GLMN: variants seen among roughly 807,000 people sequenced by gnomAD.
GLMN encodes glomulin.
Under a neutral mutation model 87.8 loss-of-function variants are expected in GLMN, and 75 were observed. The observed-to-expected ratio is 0.85, with a 90% CI of 0.71 to 1.04. The LOEUF (loss-of-function observed/expected upper bound fraction) is 1.04. Among genes scored for constraint, GLMN ranks in the 50% least tolerant of loss-of-function variants. The pLI is 0.00. For missense variants in GLMN, 588 were observed against 658.8 expected (o/e 0.89, Z 1.18); for synonymous variants, 206 against 221.6 (o/e 0.93, Z 0.63).
the GLMN span, among the ~76,000 whole-genome samples, chr1:92,338,162 A>G: frequency 6.6e-6 from 1 of 152,138 alleles, no homozygotes; most frequent in Non-Finnish European, 1.5e-5. Flanking sequence ...CATTTTATCT[A>G]GGATGTTTAT....
the GLMN span, chr1:92,320,627 G>A: frequency 1.9e-6 from 3 of 1,609,384 alleles, no homozygotes; most frequent in Non-Finnish European, 2.6e-6. Flanking sequence ...GCTAAAGGAA[G>A]AACAAAGGTA....
the GLMN span, among the ~76,000 whole-genome samples, chr1:92,323,044 T>A: frequency 4.8e-5 from 7 of 145,344 alleles, no homozygotes; most frequent in Non-Finnish European, 9.1e-5. Context: ...TTATATATCT[T>A]TATATTTATA....
At chr1:92,311,116 T>C in the GLMN span, among the ~76,000 whole-genome samples, 1 of 152,246 alleles carries the variant, frequency 6.6e-6, no homozygotes, top group Non-Finnish European at 1.5e-5. Flanking sequence ...CTTAATTGAT[T>C]GGTCCTGATC....
At chr1:92,304,236 A>G in the GLMN span, 4 of 1,282,192 alleles carry the variant, frequency 3.1e-6, no homozygotes, top group Middle Eastern at 3.7e-4. Context: ...CATAACGTTC[A>G]TGTTTATTAT....
Position 92,269,378 on chromosome 1 carries a change from T to A in GLMN, c.977+345A>T, listed in dbSNP as rs185677148. ...CATGAAGGAAAAATACGGAAGAACT[T>A]CTTTTATTGACTGCCCTTCCTTAAG... is the stretch of plus-strand genomic sequence containing the variant. On this transcript the variant is annotated intron_variant, in intron 9 of 18. Coordinates refer to ENST00000370360, the MANE Select transcript of GLMN (RefSeq NM_053274.3). Among the ~76,000 whole-genome samples the A allele has an allele frequency of 2.6e-5, 4 of 152,246 alleles. No individual in the cohort carries two copies. In the East Asian group the frequency reaches 7.7e-4, roughly 29 times the overall value.
At chr1:92,312,885 G>A in the GLMN span, among the ~76,000 whole-genome samples, 36 of 151,180 alleles carry the variant, frequency 2.4e-4, no homozygotes, top group Non-Finnish European at 4.1e-4. Flanking sequence ...GCAGTGGCGC[G>A]ATCTTGGCTC....
At chr1:92,365,979 A>AT in the GLMN span, among the ~76,000 whole-genome samples, 1 of 152,298 alleles carries the variant, frequency 6.6e-6, no homozygotes, top group South Asian at 2.1e-4. Context: ...AGTCAGTCTC[A>AT]TAAAAAAAAA....
At chr1:92,272,435 C>T (rs1296265891) in intron 7 of GLMN, among the ~76,000 whole-genome samples, 1 of 152,086 alleles carries the variant, frequency 6.6e-6, no homozygotes, top group East Asian at 1.9e-4. Context: ...CAGAAGTATT[C>T]TAAATTAATT....
At chr1:92,281,878 G>C (rs1648104912) in intron 7 of GLMN, among the ~76,000 whole-genome samples, 1 of 151,428 alleles carries the variant, frequency 6.6e-6, no homozygotes, top group African/African-American at 2.4e-5. Context: ...AGACAAAGAA[G>C]GCCACTACAT....
chr1:92,247,027 GAAGAAAAAGGAAAGAA>G lies in GLMN; in HGVS notation c.1668+19_1668+34del, dbSNP rs1013984553. On this transcript the variant is annotated intron_variant, in intron 18 of 18. Coordinates refer to ENST00000370360, the MANE Select transcript of GLMN (RefSeq NM_053274.3). ...AAGATAGCAAGACCCCGTTTCTAAA[GAAGAAAAAGGAAAGAA>G]AAGAAAATTTCAGATCACCTTAAGC... 9.0e-7 allele frequency: 1 copy of G among 1,114,874 alleles called. No individual in the cohort carries two copies. The highest frequency in any genetic ancestry group is 1.7e-5 in the African/African-American group (1 of 58,190). 69.1% of individuals were successfully genotyped at this position (1,114,874 alleles called of 1,614,324 possible).
the GLMN span, among the ~76,000 whole-genome samples, chr1:92,366,768 T>C: frequency 6.6e-6 from 1 of 152,206 alleles, no homozygotes; most frequent in South Asian, 2.1e-4. Context: ...TTTTTTTCAG[T>C]ATCTGAGAGA....
At chr1:92,269,182 G>A (rs867043932) in intron 9 of GLMN, among the ~76,000 whole-genome samples, 10 of 149,936 alleles carry the variant, frequency 6.7e-5, no homozygotes, top group Non-Finnish European at 1.2e-4. Flanking sequence ...GATTATAGGC[G>A]TGAGCCACCG....
the GLMN span, among the ~76,000 whole-genome samples, chr1:92,334,078 T>G: frequency 1.3e-5 from 2 of 152,354 alleles, no homozygotes; most frequent in East Asian, 3.9e-4. Context: ...ATGAGGGCTG[T>G]GTTGAACTTT....
chr1:92,353,265 C>CAA, the GLMN span, among the ~76,000 whole-genome samples: 1 of 152,096 alleles, frequency 6.6e-6, no homozygotes, highest in Admixed American at 6.5e-5. Flanking sequence ...AAAGAACTGC[C>CAA]AAAGTGTTTT....
chr1:92,293,996 CAAA>C (rs755356697), intron 3 of GLMN, among the ~76,000 whole-genome samples: 3 of 103,430 alleles, frequency 2.9e-5, no homozygotes, highest in Non-Finnish European at 2.2e-5. Context: ...TAATGGGTAC[CAAA>C]AAAAAAAAAA....
At chr1:92,332,693 G>A in the GLMN span, among the ~76,000 whole-genome samples, 1 of 152,084 alleles carries the variant, frequency 6.6e-6, no homozygotes, top group Non-Finnish European at 1.5e-5. Context: ...GTTATTCCTA[G>A]AGTATGGTCT....
chr1:92,330,669 C>T, the GLMN span, among the ~76,000 whole-genome samples: 2 of 151,976 alleles, frequency 1.3e-5, no homozygotes, highest in African/African-American at 2.4e-5. Flanking sequence ...CCAGGTTGGT[C>T]TCGAACTCGT....
the GLMN span, among the ~76,000 whole-genome samples, chr1:92,325,715 C>T: frequency 3.3e-5 from 5 of 152,028 alleles, no homozygotes; most frequent in Non-Finnish European, 7.4e-5. Flanking sequence ...AAACTAGAAG[C>T]CCCATATATA....
chr1:92,262,722 G>T (rs968616896), intron 16 of GLMN, 141 bp downstream of exon 16: 15 of 541,176 alleles, frequency 2.8e-5, no homozygotes, highest in Non-Finnish European at 4.5e-5. Flanking sequence ...TTAACTTCAG[G>T]TTTCAGAATA....
Sources: gnomAD v4.1 joint callset for allele counts (sites outside exome capture counted in the v4.1 genomes callset) on GRCh38, gnomAD v4.1.1 for gene constraint, MANE v1.5 for transcripts, NCBI Gene and HGNC (gene_info 2026-07-23, HGNC 2026-07-21) for gene names.